The following CRYBA4 variants were observed in gnomAD, a reference collection of about 807,000 sequenced individuals.
The protein encoded by CRYBA4 is crystallin beta A4, also known as beta-crystallin A4.
A neutral mutation model predicts 31.7 loss-of-function variants in CRYBA4; 30 were observed. The observed-to-expected ratio is 0.95, with a 90% CI of 0.71 to 1.28. The LOEUF is 1.28. Among genes scored for constraint, CRYBA4 ranks in the 50% most tolerant of loss-of-function variants. The probability of loss-of-function intolerance (pLI) is 0.00; values close to 1 mark genes in which losing one functional copy is unlikely to be tolerated. For synonymous variants in CRYBA4, 102 were observed against 102.3 expected (o/e 1.00, Z 0.02); for missense variants, 225 against 260.7 (o/e 0.86, Z 0.94).
At chr22:26,612,824 G>T in the CRYBA4 span, among the ~76,000 whole-genome samples, 1 of 152,138 alleles carries the variant, frequency 6.6e-6, no homozygotes, top group Non-Finnish European at 1.5e-5. Flanking sequence ...ATTCCAGCTC[G>T]TTATTCTGTT....
chr22:26,621,049 C>G (rs1006191718), upstream of CRYBA4, among the ~76,000 whole-genome samples: 1 of 152,096 alleles, frequency 6.6e-6, no homozygotes, highest in African/African-American at 2.4e-5. Context: ...CTTGTTACAC[C>G]CATTTTACAC....
the CRYBA4 span, among the ~76,000 whole-genome samples, chr22:26,597,773 T>C: frequency 1.3e-5 from 2 of 152,168 alleles, no homozygotes; most frequent in Non-Finnish European, 2.9e-5. Context: ...TAACACTGAA[T>C]CAGATACAAG....
the CRYBA4 span, chr22:26,599,782 C>G: frequency 1.2e-6 from 1 of 850,686 alleles, no homozygotes; most frequent in East Asian, 2.6e-5. Flanking sequence ...GTCGGCTGCT[C>G]TCTCACTTCT....
chr22:26,626,541 T>C (rs1479871291), intron 4 of CRYBA4, among the ~76,000 whole-genome samples: 2 of 152,256 alleles, frequency 1.3e-5, no homozygotes, highest in Non-Finnish European at 2.9e-5. Flanking sequence ...AGGAAAATCC[T>C]GCTATGGTCA....
intron 2 of CRYBA4, among the ~76,000 whole-genome samples, chr22:26,623,027 G>T (rs1044541230): frequency 1.3e-5 from 2 of 152,168 alleles, no homozygotes; most frequent in African/African-American, 4.8e-5. Flanking sequence ...GGCAACCATT[G>T]GTGGCACTGG....
the CRYBA4 span, among the ~76,000 whole-genome samples, chr22:26,593,713 AT>A: frequency 6.6e-6 from 1 of 151,912 alleles, no homozygotes; most frequent in Non-Finnish European, 1.5e-5. Flanking sequence ...TGGAGTAGAG[AT>A]GGGATTTCTT....
At chr22:26,605,479 T>C in the CRYBA4 span, among the ~76,000 whole-genome samples, 1 of 151,810 alleles carries the variant, frequency 6.6e-6, no homozygotes, top group Non-Finnish European at 1.5e-5. Context: ...TTTGAGACCA[T>C]CCTGGCCAAC....
chr22:26,599,145 A>C, the CRYBA4 span: 2 of 307,992 alleles, frequency 6.5e-6, no homozygotes, highest in Non-Finnish European at 1.2e-5. Flanking sequence ...TCTCTTACCT[A>C]GTATCCTTGG....
chr22:26,595,832 G>A, the CRYBA4 span, among the ~76,000 whole-genome samples: 1 of 151,766 alleles, frequency 6.6e-6, no homozygotes, highest in Non-Finnish European at 1.5e-5. Flanking sequence ...GAGTGCAGTG[G>A]CACATTCATA....
At chr22:26,617,463 G>A (rs1374943305), upstream of CRYBA4, among the ~76,000 whole-genome samples, 3 of 152,112 alleles carry the variant, frequency 2.0e-5, no homozygotes, top group Non-Finnish European at 2.9e-5. Context: ...GCATATTCTG[G>A]GGTGCCCCCT....
chr22:26,608,402 C>T, the CRYBA4 span, among the ~76,000 whole-genome samples: 4 of 150,152 alleles, frequency 2.7e-5, no homozygotes, highest in South Asian at 4.5e-4. Flanking sequence ...TGAAACTTGA[C>T]GCCAGCTAGG....
the CRYBA4 span, among the ~76,000 whole-genome samples, chr22:26,607,533 G>T: frequency 1.3e-5 from 2 of 148,568 alleles, no homozygotes; most frequent in Admixed American, 1.4e-4. Context: ...CACCAGGCTG[G>T]GGGACACAGC....
the CRYBA4 span, among the ~76,000 whole-genome samples, chr22:26,611,473 T>G: frequency 1.3e-5 from 2 of 149,760 alleles, no homozygotes; most frequent in Non-Finnish European, 3.0e-5. Context: ...TTTTTTGTTT[T>G]TTTTTTTTTT....
intron 5 of CRYBA4, 87 bp from the exon 6 acceptor site, chr22:26,630,253 G>A (rs1929883079): frequency 7.1e-6 from 11 of 1,545,004 alleles, no homozygotes; most frequent in Non-Finnish European, 8.9e-6. Flanking sequence ...CTGGAATTGT[G>A]TGCGTGTGCA....
chr22:26,602,855 G>C, the CRYBA4 span, among the ~76,000 whole-genome samples: 1 of 152,130 alleles, frequency 6.6e-6, no homozygotes, highest in African/African-American at 2.4e-5. Context: ...CGGGTGCGAT[G>C]GCTCACTCCT....
the CRYBA4 span, among the ~76,000 whole-genome samples, chr22:26,595,374 C>T: frequency 2.6e-5 from 4 of 151,892 alleles, no homozygotes; most frequent in South Asian, 2.1e-4. Context: ...GTTGGGAGTT[C>T]GAGACCAGCC....
chr22:26,622,667 G>A lies in CRYBA4; in HGVS notation c.39+32G>A, dbSNP rs202097442. The A allele has an allele frequency of 7.2e-6, 11 of 1,531,654 alleles. 1 individual carries two copies. Among genetic ancestry groups the A allele is most frequent in the Non-Finnish European group, 8.1e-6 (9 of 1,105,182 alleles). 94.9% of individuals were successfully genotyped at this position (1,531,654 alleles called of 1,614,324 possible). A position where few individuals can be genotyped will look rare whatever the true frequency, so the allele number is the denominator to read the frequency against. On this transcript the variant is annotated intron_variant, in intron 2 of 5. Coordinates refer to ENST00000354760, the MANE Select transcript of CRYBA4 (RefSeq NM_001886.3). ...AGAGGCATGGGGAGGGGGTGTTCAG[G>A]GGGTATGGGGAGGGTTCAGGTCCCC...
chr22:26,616,081 G>C, the CRYBA4 span: 1 of 1,317,628 alleles, frequency 7.6e-7, no homozygotes, highest in Non-Finnish European at 1.1e-6. Context: ...GAAGAAGGAG[G>C]AGGAGGGAAG....
intron 4 of CRYBA4, among the ~76,000 whole-genome samples, chr22:26,627,800 C>T (rs1207326096): frequency 6.6e-6 from 1 of 152,026 alleles, no homozygotes; most frequent in Non-Finnish European, 1.5e-5. Flanking sequence ...AGGCATGTGC[C>T]ACCACGCTTG....
Sources: gnomAD v4.1 joint callset for allele counts (sites outside exome capture counted in the v4.1 genomes callset) on GRCh38, gnomAD v4.1.1 for gene constraint, MANE v1.5 for transcripts, NCBI Gene and HGNC (gene_info 2026-07-23, HGNC 2026-07-21) for gene names.